ELL2: variants seen among roughly 807,000 people sequenced by gnomAD.
ELL2 encodes elongation factor for RNA polymerase II 2.
A neutral mutation model predicts 72.8 loss-of-function variants in ELL2; 21 were observed. The observed-to-expected ratio is 0.29, with a 90% CI of 0.20 to 0.42. The LOEUF is 0.42. Among genes scored for constraint, ELL2 ranks in the 10% least tolerant of loss-of-function variants. The pLI is 1.00. For missense variants in ELL2, 568 were observed against 772.8 expected, an observed-to-expected ratio of 0.73 and a Z score of 3.14; for synonymous variants, 266 against 283.2, an observed-to-expected ratio of 0.94 and a Z score of 0.61.
intron 4 of ELL2, among the ~76,000 whole-genome samples, chr5:95,911,524 T>A (rs1190786354): frequency 1.3e-5 from 2 of 152,182 alleles, no homozygotes; most frequent in African/African-American, 4.8e-5. Context: ...GTATTTTTAG[T>A]AGAGACAGGG....
chr5:95,936,716 A>G (rs952684263), intron 2 of ELL2, among the ~76,000 whole-genome samples: 5 of 140,810 alleles, frequency 3.6e-5, no homozygotes, highest in African/African-American at 1.1e-4. Context: ...CTGCACTCCA[A>G]CATAGGTGAC....
chr5:95,918,181 A>G (rs1749900417), intron 3 of ELL2, among the ~76,000 whole-genome samples: 1 of 152,284 alleles, frequency 6.6e-6, no homozygotes, highest in South Asian at 2.1e-4. Context: ...AAAATGTTAT[A>G]TAACTGTGCT....
intron 1 of ELL2, among the ~76,000 whole-genome samples, chr5:95,949,298 T>C (rs994675231): frequency 4.6e-5 from 7 of 152,182 alleles, no homozygotes; most frequent in African/African-American, 1.7e-4. Flanking sequence ...AAAGTTATCC[T>C]ATAAAGGTAG....
At chr5:95,944,067 A>G (rs1751068640) in intron 1 of ELL2, among the ~76,000 whole-genome samples, 1 of 152,164 alleles carries the variant, frequency 6.6e-6, no homozygotes, top group Non-Finnish European at 1.5e-5. Flanking sequence ...CTCTACCCCA[A>G]ATAAAAATAT....
At chr5:95,938,194 G>GA (rs1750847431) in intron 2 of ELL2, among the ~76,000 whole-genome samples, 1 of 152,150 alleles carries the variant, frequency 6.6e-6, no homozygotes, top group Non-Finnish European at 1.5e-5. Flanking sequence ...TGACTCTACT[G>GA]AAAGAGTTTT....
chr5:95,942,784 ACT>A (rs1401630617), intron 2 of ELL2: 1 of 301,980 alleles, frequency 3.3e-6, no homozygotes, highest in Admixed American at 5.2e-5. Context: ...ATAAAAAAAC[ACT>A]GTCAATATCA....
chr5:95,932,780 T>C (rs1477769415), intron 2 of ELL2: 2 of 151,982 alleles, frequency 1.3e-5, no homozygotes, highest in Middle Eastern at 3.4e-3. Flanking sequence ...TAAAGAAAAA[T>C]GTCAAAATAG....
rs566870740 is a variant in ELL2 at position 95,889,151 on chromosome 5, A to T, written c.1762-21T>A. The T allele has an allele frequency of 1.6e-5, 26 of 1,578,572 alleles. No individual in the cohort carries two copies. The East Asian group carries it at 4.9e-4, about 30-fold the overall frequency. On this transcript the variant is annotated intron_variant, in intron 10 of 11. Coordinates refer to ENST00000237853, the MANE Select transcript of ELL2 (RefSeq NM_012081.6). ...ACATTCTACAAAATTAAATATTAGA[A>T]ATCAGAAGAGAACAACTTCTTTTGT...
chr5:95,946,324 G>C (rs1561513171), intron 1 of ELL2, among the ~76,000 whole-genome samples: 1 of 152,174 alleles, frequency 6.6e-6, no homozygotes, highest in Non-Finnish European at 1.5e-5. Context: ...TGTGCTGAAA[G>C]CTTGAATATC....
rs1180967468 is a variant in ELL2 at position 95,887,098 on chromosome 5, T to TA, written c.*1772dup. The stretch of plus-strand genomic sequence containing the variant: ...AATAATGATTGTACCAATTCTGAGG[T>TA]AAAAAAAGAGCACCAGGGATCTCAA... On this transcript the variant is annotated 3_prime_UTR_variant, in exon 12 of 12. Coordinates refer to ENST00000237853, the MANE Select transcript of ELL2 (RefSeq NM_012081.6). 5 of 152,106 alleles carry TA rather than the reference T, an allele frequency of 3.3e-5. No individual in the cohort carries two copies. The highest frequency in any genetic ancestry group is 1.9e-4 in the East Asian group (1 of 5,180). 9.4% of individuals were successfully genotyped at this position (152,106 alleles called of 1,614,324 possible).
chr5:95,897,411 A>C (rs936211556), intron 8 of ELL2, among the ~76,000 whole-genome samples: 1 of 152,264 alleles, frequency 6.6e-6, no homozygotes, highest in African/African-American at 2.4e-5. Context: ...GGTGGCATGC[A>C]AGGAATTAAG....
At chr5:95,924,405 G>C (rs549038730) in intron 2 of ELL2, among the ~76,000 whole-genome samples, 1 of 152,152 alleles carries the variant, frequency 6.6e-6, no homozygotes, top group Non-Finnish European at 1.5e-5. Context: ...GTCTGATTTT[G>C]AAACAATATT....
chr5:95,952,374 G>C (rs936226521), intron 1 of ELL2, among the ~76,000 whole-genome samples: 1 of 152,016 alleles, frequency 6.6e-6, no homozygotes, highest in Non-Finnish European at 1.5e-5. Context: ...TTACCTGGGT[G>C]ATGAAATAAT....
chr5:95,959,708 G>C (rs1751743701), intron 1 of ELL2, among the ~76,000 whole-genome samples: 1 of 152,050 alleles, frequency 6.6e-6, no homozygotes, highest in Non-Finnish European at 1.5e-5. Context: ...TATGTAGGAC[G>C]GTACCTTTCT....
intron 9 of ELL2, 31 bp from the exon 10 acceptor site, chr5:95,891,305 C>A: frequency 6.3e-7 from 1 of 1,580,358 alleles, no homozygotes; most frequent in Non-Finnish European, 8.6e-7. Context: ...TGGAGAGTAG[C>A]TACCCAATAA....
At chr5:95,895,003 C>G (rs992300192) in intron 9 of ELL2, among the ~76,000 whole-genome samples, 2 of 152,160 alleles carry the variant, frequency 1.3e-5, no homozygotes, top group Non-Finnish European at 2.9e-5. Flanking sequence ...CTTACAGAGG[C>G]CTTTTATTCT....
Position 95,961,788 on chromosome 5 carries a change from C to G in ELL2, c.-67G>C, listed in dbSNP as rs1341328517. On this transcript the variant is annotated 5_prime_UTR_variant, in exon 1 of 12. Coordinates refer to ENST00000237853, the MANE Select transcript of ELL2 (RefSeq NM_012081.6). Reference sequence around the variant, plus strand: ...CTAGCCTCCACTGCGGCCGCGGCTGCTTGGGCTTCTGCAGCCGCCGCCACT... The same window carrying G: ...CTAGCCTCCACTGCGGCCGCGGCTGGTTGGGCTTCTGCAGCCGCCGCCACT... The G allele has an allele frequency of 6.0e-6, 9 of 1,489,084 alleles. No homozygotes were observed. The highest frequency in any genetic ancestry group is 8.0e-6 in the Non-Finnish European group (9 of 1,122,350). The allele number at this position is 1,489,084 out of a possible 1,614,324, so 92.2% of individuals were successfully genotyped here.
Position 95,942,791 on chromosome 5 carries a change from A to G in ELL2, c.195+211T>C, listed in dbSNP as rs554616549. The G allele has an allele frequency of 2.5e-5, 8 of 319,396 alleles. No homozygotes were observed. The South Asian group carries it at 4.5e-4, about 18-fold the overall frequency. The allele number at this position is 319,396 out of a possible 1,614,324, so 19.8% of individuals were successfully genotyped here. On this transcript the variant is annotated intron_variant, in intron 2 of 11. Transcript: ENST00000237853. ...TGTTATGGATAAAAAAACACTGTCA[A>G]TATCAATAACCATATATGAATTTTT...
rs1443527526 is a variant in ELL2 at position 95,888,074 on chromosome 5, T to C, written c.*797A>G. 1 of 152,592 alleles carries C rather than the reference T, an allele frequency of 6.6e-6. No individual in the cohort carries two copies. The highest frequency in any genetic ancestry group is 2.4e-5 in the African/African-American group (1 of 41,420). 9.5% of individuals were successfully genotyped at this position (152,592 alleles called of 1,614,324 possible). On this transcript the variant is annotated 3_prime_UTR_variant, in exon 12 of 12. Transcript: ENST00000237853. ...ACTAGGAGTAGCAGCTTTTTTTCCTTCATGCACGCTCACATCCACACCACC... is the reference window on the plus strand; with the variant it reads ...ACTAGGAGTAGCAGCTTTTTTTCCTCCATGCACGCTCACATCCACACCACC...
Sources: gnomAD v4.1 joint callset for allele counts (sites outside exome capture counted in the v4.1 genomes callset) on GRCh38, gnomAD v4.1.1 for gene constraint, MANE v1.5 for transcripts, NCBI Gene and HGNC (gene_info 2026-07-23, HGNC 2026-07-21) for gene names.